DIPK2B: variants seen among roughly 807,000 people sequenced by gnomAD.
The protein encoded by DIPK2B is UPF0672 protein CXorf36.
A neutral mutation model predicts 22.2 loss-of-function variants in DIPK2B; 15 were observed. The observed-to-expected ratio is 0.68, with a 90% CI of 0.45 to 1.04. The LOEUF (loss-of-function observed/expected upper bound fraction) is 1.04, where lower values mean the gene tolerates loss of function less well. Ranked by LOEUF, DIPK2B falls within the 50% of genes least tolerant of loss-of-function variation. DIPK2B has a pLI of 0.00. For synonymous variants in DIPK2B, 163 were observed against 153.2 expected, an observed-to-expected ratio of 1.06 and a Z score of -0.47; for missense variants, 345 against 348.3, an observed-to-expected ratio of 0.99 and a Z score of 0.08.
intron 2 of DIPK2B, among the ~76,000 whole-genome samples, chrX:45,189,842 G>A (rs924081362): frequency 2.7e-5 from 3 of 111,755 alleles, no homozygotes; most frequent in Non-Finnish European, 1.9e-5. Context: ...CAAAATGGCT[G>A]CTAATATTTC....
intron 1 of DIPK2B, among the ~76,000 whole-genome samples, chrX:45,199,128 A>G (rs2047254808): frequency 8.9e-6 from 1 of 112,415 alleles, no homozygotes; most frequent in African/African-American, 3.2e-5. Flanking sequence ...GCCTTTAAAA[A>G]GGCTTAATAG....
chrX:45,158,695 C>T (rs767612501), intron 2 of DIPK2B, among the ~76,000 whole-genome samples: 3 of 111,709 alleles, frequency 2.7e-5, no homozygotes, highest in African/African-American at 3.2e-5. Flanking sequence ...GAATTTTACC[C>T]GCTTCCACAA....
intron 2 of DIPK2B, among the ~76,000 whole-genome samples, chrX:45,176,125 A>G (rs1024858756): frequency 9.0e-6 from 1 of 110,678 alleles, no homozygotes; most frequent in Non-Finnish European, 1.9e-5. Flanking sequence ...GAGCTGTGAG[A>G]GGTTGAAGTA....
chrX:45,192,052 A>C lies in DIPK2B; in HGVS notation c.234-37T>G. On this transcript the variant is annotated intron_variant, in intron 1 of 4. Transcript: ENST00000398000. ...ATAGCCCTTTGAGGATTGGCCTGTGAGCTGGAGGCTCACAGAGCCCAGGGA... is the reference window on the plus strand; with the variant it reads ...ATAGCCCTTTGAGGATTGGCCTGTGCGCTGGAGGCTCACAGAGCCCAGGGA... 6.0e-6 allele frequency: 7 copies of C among 1,164,793 alleles called. No individual in the cohort carries two copies. The Middle Eastern group carries it at 7.1e-4, about 119-fold the overall frequency.
chrX:45,154,093 G>T lies in DIPK2B; in HGVS notation c.778C>A (p.Pro260Thr). 1 of 1,211,220 alleles carries T rather than the reference G, an allele frequency of 8.3e-7. No individual in the cohort carries two copies. The highest frequency in any genetic ancestry group is 1.1e-6 in the Non-Finnish European group (1 of 895,306). ...GCAAGGTCGGCTGCCTGATCTGGGG[G>T]TGCATCATAGAATTCCTGCAGCGGT... ...TRPLQEFYDA[P>T]PDQAADLAYQ... The change falls in exon 4 of 5, where the codon CCC becomes ACC. Residue 260 changes from proline (P) to threonine (T), a missense_variant. Physicochemically the swap from Pro to Thr is conservative, Grantham distance 38. Transcript: ENST00000398000.
chrX:45,174,075 C>G (rs1001507773), intron 2 of DIPK2B, among the ~76,000 whole-genome samples: 1 of 111,193 alleles, frequency 9.0e-6, no homozygotes, highest in Non-Finnish European at 1.9e-5. Flanking sequence ...AGAGAGAGGC[C>G]GCAAAGCCCG....
intron 2 of DIPK2B, among the ~76,000 whole-genome samples, chrX:45,168,072 C>T (rs912247209): frequency 8.9e-6 from 1 of 112,779 alleles, no homozygotes; most frequent in Non-Finnish European, 1.9e-5. Context: ...GCAAAGCTTA[C>T]CCTCTTAGCT....
intron 2 of DIPK2B, 90 bp downstream of exon 2, chrX:45,191,661 T>C: frequency 9.5e-7 from 1 of 1,057,178 alleles, no homozygotes; most frequent in Non-Finnish European, 1.3e-6. Flanking sequence ...TTCTCCTTTT[T>C]CTCAAACTGA....
At chrX:45,169,191 A>G (rs1238902335) in intron 2 of DIPK2B, among the ~76,000 whole-genome samples, 1 of 111,890 alleles carries the variant, frequency 8.9e-6, no homozygotes, top group Non-Finnish European at 1.9e-5. Context: ...GGTTATCCTC[A>G]TAATTACGGT....
At chrX:45,164,785 A>G (rs908539082) in intron 2 of DIPK2B, among the ~76,000 whole-genome samples, 1 of 111,668 alleles carries the variant, frequency 9.0e-6, no homozygotes, top group Admixed American at 9.5e-5. Context: ...AAAAAATTAA[A>G]AGTTAGCTGG....
At chrX:45,181,777 A>G (rs775130807) in intron 2 of DIPK2B, among the ~76,000 whole-genome samples, 2 of 112,185 alleles carry the variant, frequency 1.8e-5, no homozygotes, top group African/African-American at 3.2e-5. Context: ...TATCTTCTTG[A>G]CCACACGATA....
chrX:45,159,892 C>A (rs770712428), intron 2 of DIPK2B, among the ~76,000 whole-genome samples: 20 of 111,688 alleles, frequency 1.8e-4, no homozygotes, highest in African/African-American at 6.2e-4. Flanking sequence ...TTGCTTTTTT[C>A]TTCTGATTTT....
At chrX:45,197,518 G>C (rs182148705) in intron 1 of DIPK2B, among the ~76,000 whole-genome samples, 1 of 111,903 alleles carries the variant, frequency 8.9e-6, no homozygotes, top group Non-Finnish European at 1.9e-5. Context: ...TTACAGGTGT[G>C]AGCCACCTCG....
chrX:45,191,544 A>G (rs2047210619), intron 2 of DIPK2B: 1 of 446,745 alleles, frequency 2.2e-6, no homozygotes, highest in African/African-American at 2.5e-5. Flanking sequence ...AGAGAATGAG[A>G]AATGACAGTG....
At chrX:45,163,075 T>G in intron 2 of DIPK2B, 1 of 330,879 alleles carries the variant, frequency 3.0e-6, no homozygotes, top group African/African-American at 2.8e-5. Flanking sequence ...AGGCATTTCA[T>G]AGATGTGATT....
intron 2 of DIPK2B, among the ~76,000 whole-genome samples, chrX:45,190,526 A>T (rs899554428): frequency 8.9e-6 from 1 of 111,740 alleles, no homozygotes; most frequent in South Asian, 3.8e-4. Flanking sequence ...TGTCTCTACC[A>T]CTGAGCCACA....
At chrX:45,152,625 T>C (rs182683976) in intron 4 of DIPK2B, among the ~76,000 whole-genome samples, 2 of 111,926 alleles carry the variant, frequency 1.8e-5, no homozygotes, top group East Asian at 5.6e-4. Flanking sequence ...TGGTTTCATT[T>C]GCGCCTTTAA....
chrX:45,165,226 T>G (rs938272314), intron 2 of DIPK2B, among the ~76,000 whole-genome samples: 6 of 111,382 alleles, frequency 5.4e-5, no homozygotes, highest in African/African-American at 2.0e-4. Context: ...GTAAAGACAG[T>G]TGGTAATGGC....
At position 45,164,301 on chromosome X, in the gene DIPK2B, A is replaced by T. The variant is rs771077188; in HGVS notation, c.499-6413T>A. The T allele has an allele frequency of 6.0e-6, 7 of 1,164,589 alleles. No homozygotes were observed. In the East Asian group the frequency reaches 2.1e-4, roughly 35 times the overall value. On this transcript the variant is annotated intron_variant, in intron 2 of 4. Coordinates refer to ENST00000398000, the MANE Select transcript of DIPK2B (RefSeq NM_176819.4). ...AAAAGGCTTCAAAAGATTTGTGGAA[A>T]ATGTGACATTAATTTTCGCAGCTCT...
Sources: allele counts gnomAD v4.1 joint callset (sites outside exome capture counted in the v4.1 genomes callset), GRCh38; gene constraint gnomAD v4.1.1; transcripts MANE v1.5; gene names NCBI Gene and HGNC (gene_info 2026-07-23, HGNC 2026-07-21).